LIPK: variants seen among roughly 807,000 people sequenced by gnomAD.
The protein encoded by LIPK is lipase family member K.
A neutral mutation model predicts 48.6 loss-of-function variants in LIPK; 32 were observed. The observed-to-expected ratio is 0.66, with a 90% CI of 0.50 to 0.88. The LOEUF (loss-of-function observed/expected upper bound fraction) is 0.88. Ranked by LOEUF, LIPK falls within the 40% of genes least tolerant of loss-of-function variation. The pLI is 0.00. For synonymous variants in LIPK, 164 were observed against 157.4 expected, an observed-to-expected ratio of 1.04 and a Z score of -0.32; for missense variants, 507 against 478.5, an observed-to-expected ratio of 1.06 and a Z score of -0.56.
Position 88,724,502 on chromosome 10 carries a change from G to T in LIPK, c.-11-31G>T. 3.9e-6 allele frequency: 5 copies of T among 1,295,016 alleles called. No individual in the cohort carries two copies. The South Asian group carries it at 6.7e-5, about 17-fold the overall frequency. The allele number at this position is 1,295,016 out of a possible 1,614,324, so 80.2% of individuals were successfully genotyped here. The stretch of plus-strand genomic sequence containing the variant: ...ATTTCACTTCGTAGAATTTATCTTT[G>T]ATGACAAATATATTAAATTTCCTTT... On this transcript the variant is annotated intron_variant, in intron 1 of 9. Coordinates refer to ENST00000404190, the MANE Select transcript of LIPK (RefSeq NM_001080518.2).
intron 9 of LIPK, 22 bp from the exon 10 acceptor site, chr10:88,752,495 C>G (rs1041610730): frequency 1.3e-6 from 2 of 1,512,304 alleles, no homozygotes; most frequent in Non-Finnish European, 9.0e-7. Flanking sequence ...AAACTTTTCT[C>G]TCTCTCTTTT....
chr10:88,737,495 A>T, intron 6 of LIPK, 140 bp from the exon 7 acceptor site: 1 of 820,744 alleles, frequency 1.2e-6, no homozygotes, highest in Non-Finnish European at 1.9e-6. Context: ...CAAAGCTAAT[A>T]ACAAGCCTCA....
In LIPK at chr10:88,738,072, C is replaced by T. The variant is rs181048884; in HGVS notation, c.816+291C>T. On this transcript the variant is annotated intron_variant, in intron 7 of 9. Coordinates refer to ENST00000404190, the MANE Select transcript of LIPK (RefSeq NM_001080518.2). ...ATCTTGCTGTGCCTACGCCTTATGTCAGACCCACTGAAGTAGAATCTCAGG... is the reference window on the plus strand; with the variant it reads ...ATCTTGCTGTGCCTACGCCTTATGTTAGACCCACTGAAGTAGAATCTCAGG... Among the ~76,000 whole-genome samples, 145 of 152,300 alleles carry T rather than the reference C, an allele frequency of 9.5e-4. 1 individual carries two copies. The highest frequency in any genetic ancestry group is 1.7e-3 in the Non-Finnish European group (118 of 68,024).
intron 9 of LIPK, among the ~76,000 whole-genome samples, chr10:88,750,801 A>G (rs1475174944): frequency 1.3e-5 from 2 of 152,094 alleles, no homozygotes; most frequent in African/African-American, 4.8e-5. Context: ...CTGAATCTAA[A>G]ATAAAAGTTG....
At chr10:88,737,875 G>T in intron 7 of LIPK, 94 bp downstream of exon 7, 1 of 1,377,520 alleles carries the variant, frequency 7.3e-7, no homozygotes, top group Non-Finnish European at 1.0e-6. Context: ...GCAATTCAAG[G>T]TTTCCTTTTT....
Position 88,737,785 on chromosome 10 carries a change from G to A in LIPK, c.816+4G>A, listed in dbSNP as rs769862446. ...TGATCCGCAAAACTTAAATATGGTA[G>A]GTGTAAGTAATTGGGTCTGGGAAAA... On this transcript the variant is annotated splice_donor_region_variant and intron_variant, in intron 7 of 9. Transcript: ENST00000404190. 7 of 1,613,490 alleles carry A rather than the reference G, an allele frequency of 4.3e-6. No individual in the cohort carries two copies. The South Asian group carries it at 7.7e-5, about 18-fold the overall frequency.
At chr10:88,728,053 T>C in intron 3 of LIPK, 2 of 345,946 alleles carry the variant, frequency 5.8e-6, no homozygotes, top group Non-Finnish European at 1.2e-5. Context: ...CAAGAGTAAG[T>C]ACCAGGATGA....
chr10:88,729,281 C>A (rs1198087225), intron 3 of LIPK, among the ~76,000 whole-genome samples: 2 of 143,632 alleles, frequency 1.4e-5, no homozygotes, highest in Admixed American at 1.5e-4. Flanking sequence ...AAGAGCAATT[C>A]ATTTCCCAGA....
At chr10:88,712,793 T>C (rs761814617) in intron 1 of LIPK, among the ~76,000 whole-genome samples, 1 of 152,210 alleles carries the variant, frequency 6.6e-6, no homozygotes, top group Non-Finnish European at 1.5e-5. Context: ...ATTCTTACTG[T>C]TACCATGGGA....
At chr10:88,742,123 C>T (rs1842689883) in intron 8 of LIPK, among the ~76,000 whole-genome samples, 1 of 152,198 alleles carries the variant, frequency 6.6e-6, no homozygotes, top group African/African-American at 2.4e-5. Context: ...TGAGAACTCA[C>T]TCACTATCAG....
chr10:88,751,444 T>A (rs1299472735), intron 9 of LIPK, among the ~76,000 whole-genome samples: 2 of 152,166 alleles, frequency 1.3e-5, no homozygotes, highest in Non-Finnish European at 2.9e-5. Context: ...AAGGCTAATC[T>A]TGAACTCCTG....
chr10:88,740,196 A>G (rs188885135), intron 8 of LIPK, 129 bp downstream of exon 8: 47 of 508,952 alleles, frequency 9.2e-5, no homozygotes, highest in African/African-American at 8.2e-4. Flanking sequence ...TGGAATCAGC[A>G]TCAACTCTTC....
chr10:88,739,427 G>A (rs565522148), intron 7 of LIPK, among the ~76,000 whole-genome samples: 28 of 152,254 alleles, frequency 1.8e-4, no homozygotes, highest in African/African-American at 5.3e-4. Context: ...TCTTTGCCCC[G>A]TGGGATGCCC....
At chr10:88,724,366 G>A (rs1842291435) in intron 1 of LIPK, among the ~76,000 whole-genome samples, 167 bp from the exon 2 acceptor site, 1 of 151,960 alleles carries the variant, frequency 6.6e-6, no homozygotes, top group Non-Finnish European at 1.5e-5. Flanking sequence ...AGTCATTTTA[G>A]ATTTTTCATG....
At chr10:88,736,608 A>G (rs568881808) in intron 6 of LIPK, among the ~76,000 whole-genome samples, 143 of 152,330 alleles carry the variant, frequency 9.4e-4, no homozygotes, top group African/African-American at 3.4e-3. Flanking sequence ...TTTTTTATTT[A>G]TCAATAACTT....
At chr10:88,716,363 T>TC (rs1473994896) in intron 1 of LIPK, among the ~76,000 whole-genome samples, 1 of 147,330 alleles carries the variant, frequency 6.8e-6, no homozygotes, top group African/African-American at 2.5e-5. Flanking sequence ...TTTCTTTTTT[T>TC]TTTTTTTTTT....
intron 9 of LIPK, among the ~76,000 whole-genome samples, chr10:88,743,622 T>A (rs1842720100): frequency 6.6e-6 from 1 of 152,094 alleles, no homozygotes; most frequent in Admixed American, 6.6e-5. Context: ...GTCAACTGGA[T>A]ACAGCCAGGA....
chr10:88,731,063 T>C lies in LIPK; in HGVS notation c.304T>C (p.Leu102=). The change falls in exon 4 of 10, where the codon TTG becomes CTG. Residue 102 remains leucine (L), a synonymous_variant. Coordinates refer to ENST00000404190, the MANE Select transcript of LIPK (RefSeq NM_001080518.2). Reference sequence around the variant, plus strand: ...GATTTGCAACCTGCCCAACAACAGTTTGGCTTTCCTTCTGGCAGATAGTGG... The same window carrying C: ...GATTTGCAACCTGCCCAACAACAGTCTGGCTTTCCTTCTGGCAGATAGTGG... ...NWICNLPNNS[L]AFLLADSGYD... The C allele has an allele frequency of 6.2e-7, 1 of 1,603,568 alleles. No homozygotes were observed. Among genetic ancestry groups the C allele is most frequent in the African/African-American group, 1.3e-5 (1 of 74,940 alleles).
chr10:88,746,010 A>G (rs898898085), intron 9 of LIPK, among the ~76,000 whole-genome samples: 3 of 152,228 alleles, frequency 2.0e-5, no homozygotes, highest in African/African-American at 4.8e-5. Context: ...ATTTAAATAA[A>G]CAATTATCAA....
Sources: gnomAD v4.1 joint callset for allele counts (sites outside exome capture counted in the v4.1 genomes callset) on GRCh38, gnomAD v4.1.1 for gene constraint, MANE v1.5 for transcripts, NCBI Gene and HGNC (gene_info 2026-07-23, HGNC 2026-07-21) for gene names.